ADAMTS14: variants seen among roughly 807,000 people sequenced by gnomAD.
ADAMTS14 encodes the protein ADAM metallopeptidase with thrombospondin type 1 motif 14.
Under a neutral mutation model 128.6 loss-of-function variants are expected in ADAMTS14, and 100 were observed. That is an observed-to-expected ratio of 0.78 (90% CI 0.66 to 0.92). The LOEUF (loss-of-function observed/expected upper bound fraction) is 0.92, where lower values mean the gene tolerates loss of function less well. Among genes scored for constraint, ADAMTS14 ranks in the 40% least tolerant of loss-of-function variants. The probability of loss-of-function intolerance (pLI) is 0.00; values close to 1 mark genes in which losing one functional copy is unlikely to be tolerated. For synonymous variants in ADAMTS14, 665 were observed against 653.8 expected, an observed-to-expected ratio of 1.02 and a Z score of -0.26; for missense variants, 1,562 against 1,658.6, an observed-to-expected ratio of 0.94 and a Z score of 1.01.
chr10:70,701,698 T>G (rs1840497033), intron 2 of ADAMTS14, among the ~76,000 whole-genome samples: 1 of 152,170 alleles, frequency 6.6e-6, no homozygotes, highest in African/African-American at 2.4e-5. Context: ...TAGGGAATCA[T>G]TAGATTAAAA....
rs1840738502 is a variant in ADAMTS14, at chr10:70,708,645, A to G, written c.737A>G (p.Asp246Gly). The change falls in exon 4 of 22, where the codon GAC (aspartate) becomes GGC (glycine). Residue 246 changes from aspartate (D) to glycine (G), a missense_variant. Coordinates refer to ENST00000373207, the MANE Select transcript of ADAMTS14 (RefSeq NM_080722.4). Reference sequence around the variant, plus strand: ...GGCCTGGTGGGGGACCAGCTGGGCGACACAGAGCGGAAGCGGCGGCATGCC... The same window carrying G: ...GGCCTGGTGGGGGACCAGCTGGGCGGCACAGAGCGGAAGCGGCGGCATGCC... ...LLGLVGDQLG[D>G]TERKRRHAKP... 3 of 1,613,154 alleles carry G rather than the reference A, an allele frequency of 1.9e-6. No individual in the cohort carries two copies. Among genetic ancestry groups the G allele is most frequent in the South Asian group, 2.2e-5 (2 of 91,036 alleles).
chr10:70,749,284 T>A (rs1425058740), intron 15 of ADAMTS14, among the ~76,000 whole-genome samples: 1 of 152,190 alleles, frequency 6.6e-6, no homozygotes, highest in Non-Finnish European at 1.5e-5. Flanking sequence ...ATTTCTATCA[T>A]CCTCCTGGGG....
rs561377335 is a variant in ADAMTS14 at position 70,744,931 on chromosome 10, C to T, written c.2183-295C>T. Among the ~76,000 whole-genome samples, 72 of 151,778 alleles carry T rather than the reference C, an allele frequency of 4.7e-4. 1 individual carries two copies. The highest frequency in any genetic ancestry group is 1.1e-3 in the African/African-American group (46 of 41,338). On this transcript the variant is annotated intron_variant, in intron 14 of 21. Coordinates refer to ENST00000373207, the MANE Select transcript of ADAMTS14 (RefSeq NM_080722.4). ...AGAGAGTCAGAGGAGCAAAAAGGGA[C>T]GGGGGGAAGGGCAGAAGTGAGACGG... is the stretch of plus-strand genomic sequence containing the variant.
intron 4 of ADAMTS14, among the ~76,000 whole-genome samples, chr10:70,721,650 G>A (rs921063938): frequency 6.6e-6 from 1 of 152,194 alleles, no homozygotes. Context: ...GCCTTCCAAA[G>A]TGCTGGGATT....
intron 9 of ADAMTS14, among the ~76,000 whole-genome samples, 172 bp from the exon 10 acceptor site, chr10:70,736,508 C>G (rs1028408280): frequency 6.6e-6 from 1 of 152,164 alleles, no homozygotes; most frequent in African/African-American, 2.4e-5. Context: ...TCCCTGGAGG[C>G]TGCCGGTACT....
At position 70,740,747 on chromosome 10, in the gene ADAMTS14, C is replaced by T. The variant is rs533719228; in HGVS notation, c.1749-240C>T. Among the ~76,000 whole-genome samples, 17 of 152,254 alleles carry T rather than the reference C, an allele frequency of 1.1e-4. 1 individual carries two copies. The highest frequency in any genetic ancestry group is 3.4e-3 in the Middle Eastern group (1 of 294). On this transcript the variant is annotated intron_variant, in intron 11 of 21. Coordinates refer to ENST00000373207, the MANE Select transcript of ADAMTS14 (RefSeq NM_080722.4). ...CTGTACATCTGTCCGTCACACTCACCGTGGAATAGGTGGTGTATGTCTGAA... is the reference window on the plus strand; with the variant it reads ...CTGTACATCTGTCCGTCACACTCACTGTGGAATAGGTGGTGTATGTCTGAA...
chr10:70,717,692 T>A (rs1158802086), intron 4 of ADAMTS14, among the ~76,000 whole-genome samples: 1 of 151,820 alleles, frequency 6.6e-6, no homozygotes, highest in Non-Finnish European at 1.5e-5. Flanking sequence ...ACAGGGAGGG[T>A]GAGAAGAGAG....
At chr10:70,752,615 C>T (rs1014642764) in intron 18 of ADAMTS14, among the ~76,000 whole-genome samples, 1 of 152,152 alleles carries the variant, frequency 6.6e-6, no homozygotes, top group Non-Finnish European at 1.5e-5. Context: ...GAACCTGTTG[C>T]AGAGCCGGCC....
At position 70,735,194 on chromosome 10, in the gene ADAMTS14, C is replaced by T; in HGVS notation, c.1378C>T (p.Pro460Ser). 1 of 1,613,106 alleles carries T rather than the reference C, an allele frequency of 6.2e-7. No individual in the cohort carries two copies. Among genetic ancestry groups the T allele is most frequent in the South Asian group, 1.1e-5 (1 of 90,744 alleles). ...LPSYDCLLDD[P>S]FDPAWPQPPE... ...CTCCTACGACTGCCTCCTCGATGAC[C>T]CCTTTGATCCTGCCTGGCCCCAGCC... The change falls in exon 9 of 22, where the codon CCC (proline) becomes TCC (serine). Residue 460 changes from proline to serine, a missense_variant. Coordinates refer to ENST00000373207, the MANE Select transcript of ADAMTS14 (RefSeq NM_080722.4).
chr10:70,677,250 G>A (rs767159022), intron 2 of ADAMTS14, among the ~76,000 whole-genome samples: 19 of 152,148 alleles, frequency 1.2e-4, no homozygotes, highest in Non-Finnish European at 2.1e-4. Context: ...GGGGGCTGGC[G>A]GATGGTGGAG....
At chr10:70,732,207 A>C (rs1301951416) in intron 6 of ADAMTS14, 47 bp from the exon 7 acceptor site, 2 of 1,542,648 alleles carry the variant, frequency 1.3e-6, no homozygotes, top group Admixed American at 1.7e-5. Context: ...GTCCTGCCTC[A>C]CCTGCCCTCC....
rs373869653 is a variant in ADAMTS14, at chr10:70,760,873, C to A, written c.*20C>A. 1 of 1,549,066 alleles carries A rather than the reference C, an allele frequency of 6.5e-7. No individual in the cohort carries two copies. Among genetic ancestry groups the A allele is most frequent in the African/African-American group, 1.4e-5 (1 of 73,378 alleles). ...ACATGAGCTGTGCCCTGCCATCCCA[C>A]TGGCACGTTTACACTCTGTGTACTG... On this transcript the variant is annotated 3_prime_UTR_variant, in exon 22 of 22. Coordinates refer to ENST00000373207, the MANE Select transcript of ADAMTS14 (RefSeq NM_080722.4).
intron 3 of ADAMTS14, among the ~76,000 whole-genome samples, chr10:70,704,216 C>T (rs1281535309): frequency 6.6e-6 from 1 of 152,132 alleles, no homozygotes; most frequent in Non-Finnish European, 1.5e-5. Context: ...GATTCCAGCC[C>T]CCTGCTCCAC....
intron 2 of ADAMTS14, among the ~76,000 whole-genome samples, chr10:70,677,120 C>T (rs975584848): frequency 2.6e-5 from 4 of 152,240 alleles, no homozygotes; most frequent in Non-Finnish European, 4.4e-5. Context: ...AGTGACTGAC[C>T]ACTAGGTGCC....
At chr10:70,732,012 G>T (rs1374047783) in intron 6 of ADAMTS14, among the ~76,000 whole-genome samples, 1 of 152,118 alleles carries the variant, frequency 6.6e-6, no homozygotes, top group East Asian at 1.9e-4. Flanking sequence ...CTGGTTTAGA[G>T]GGGCGCTGAT....
rs374458198 is a variant in ADAMTS14, at chr10:70,753,862, G to A, written c.2792G>A (p.Arg931Gln). The change falls in exon 19 of 22, where the codon CGG becomes CAG. Residue 931 changes from arginine (R) to glutamine (Q), a missense_variant. Physicochemically the swap from Arg to Gln is conservative, Grantham distance 43. Transcript: ENST00000373207. Reference sequence around the variant, plus strand: ...TGTGGGAAGCTGGGGGTGCAGACACGGGGGATACAGTGCCTGCTGCCCCTC... The same window carrying A: ...TGTGGGAAGCTGGGGGTGCAGACACAGGGGATACAGTGCCTGCTGCCCCTC... ...RSCGKLGVQT[R>Q]GIQCLLPLSN... The A allele has an allele frequency of 2.9e-5, 46 of 1,593,982 alleles. No homozygotes were observed. Among genetic ancestry groups the A allele is most frequent in the South Asian group, 6.9e-5 (6 of 86,916 alleles).
intron 4 of ADAMTS14, among the ~76,000 whole-genome samples, chr10:70,728,014 T>C (rs908832083): frequency 2.7e-4 from 41 of 150,668 alleles, no homozygotes. Flanking sequence ...AAGAATGGCA[T>C]GAACCCAGGA....
At chr10:70,752,310 C>G in intron 18 of ADAMTS14, 83 bp downstream of exon 18, 1 of 1,552,712 alleles carries the variant, frequency 6.4e-7, no homozygotes, top group South Asian at 1.2e-5. Context: ...AGCCTGCTCC[C>G]CTCAGCACTG....
In ADAMTS14 at chr10:70,744,200, C is replaced by T. The variant is rs777720442; in HGVS notation, c.2182+11C>T. 2 of 1,511,012 alleles carry T rather than the reference C, an allele frequency of 1.3e-6. No individual in the cohort carries two copies. Among genetic ancestry groups the T allele is most frequent in the Middle Eastern group, 3.5e-4 (2 of 5,776 alleles). The allele number at this position is 1,511,012 out of a possible 1,614,324, so 93.6% of individuals were successfully genotyped here. A position where few individuals can be genotyped will look rare whatever the true frequency, so the allele number is the denominator to read the frequency against. ...CCTCCAAGCAGGCAGGTGAGCCGGG[C>T]TGGGGCTGGGGGGATGACGAGGGCT... On this transcript the variant is annotated intron_variant, in intron 14 of 21. Coordinates refer to ENST00000373207, the MANE Select transcript of ADAMTS14 (RefSeq NM_080722.4).
Sources: allele counts gnomAD v4.1 joint callset (sites outside exome capture counted in the v4.1 genomes callset), GRCh38; gene constraint gnomAD v4.1.1; transcripts MANE v1.5; gene names NCBI Gene and HGNC (gene_info 2026-07-23, HGNC 2026-07-21).